The following RBFOX1 variants were observed in gnomAD, a reference collection of about 807,000 sequenced individuals.
The protein encoded by RBFOX1 is RNA binding fox-1 homolog 1.
RBFOX1 carries 8 observed loss-of-function variants against 57.7 expected under a neutral mutation model. That is an observed-to-expected ratio of 0.14 (90% CI 0.08 to 0.25). The LOEUF (loss-of-function observed/expected upper bound fraction) is 0.25. RBFOX1 is among the 10% of genes least tolerant of loss of function. RBFOX1 has a pLI of 1.00. For missense variants in RBFOX1, 611 were observed against 548.5 expected (o/e 1.11, Z -1.14); for synonymous variants, 326 against 222.4 (o/e 1.47, Z -4.15).
In RBFOX1 at chr16:5,882,720, C is replaced by T. The variant is rs114575485; in HGVS notation, c.351+15385C>T. Reference sequence around the variant, plus strand: ...AATGTTAGTTTGTGCAGCAGAGGCCCCATGTGCCAGTGTTGTCCCTGGGCG... The same window carrying T: ...AATGTTAGTTTGTGCAGCAGAGGCCTCATGTGCCAGTGTTGTCCCTGGGCG... On this transcript the variant is annotated intron_variant, in intron 4 of 19. Coordinates refer to the RBFOX1 transcript ENST00000641259. 6.8e-3 allele frequency among the ~76,000 whole-genome samples: 1,032 copies of T among 152,256 alleles called. 12 individuals are homozygous for T. Among genetic ancestry groups the T allele is most frequent in the African/African-American group, 0.024 (1,000 of 41,532 alleles).
At chr16:7,599,933 G>T (rs773815603) in intron 9 of RBFOX1, among the ~76,000 whole-genome samples, 2 of 151,954 alleles carry the variant, frequency 1.3e-5, no homozygotes, top group African/African-American at 2.4e-5. Context: ...CACCACTTCT[G>T]GCCTAGCCTT....
intron 1 of RBFOX1, among the ~76,000 whole-genome samples, chr16:6,302,841 A>G (rs1221598745): frequency 1.3e-5 from 2 of 152,198 alleles, no homozygotes; most frequent in Non-Finnish European, 2.9e-5. Flanking sequence ...AGAAAAATAT[A>G]TTTTTAAGAC....
At chr16:6,816,083 G>C (rs1051926628) in intron 3 of RBFOX1, among the ~76,000 whole-genome samples, 4 of 152,168 alleles carry the variant, frequency 2.6e-5, no homozygotes, top group African/African-American at 9.7e-5. Context: ...TGAGGCAGGA[G>C]GATTGCTTGA....
At chr16:6,464,857 C>T (rs2095005968) in intron 2 of RBFOX1, among the ~76,000 whole-genome samples, 1 of 152,226 alleles carries the variant, frequency 6.6e-6, no homozygotes, top group African/African-American at 2.4e-5. Flanking sequence ...GCGTTAAAAA[C>T]AGGTAGTACT....
chr16:7,070,178 C>T (rs900531063), intron 4 of RBFOX1, among the ~76,000 whole-genome samples: 2 of 152,160 alleles, frequency 1.3e-5, no homozygotes, highest in Admixed American at 6.6e-5. Flanking sequence ...GAGTTTGGCT[C>T]ACTGAGCGAT....
intron 3 of RBFOX1, among the ~76,000 whole-genome samples, chr16:5,612,678 C>T (rs1288649898): frequency 6.6e-6 from 1 of 152,190 alleles, no homozygotes; most frequent in African/African-American, 2.4e-5. Context: ...GAGGAAATAG[C>T]ATGTGCAAAG....
intron 1 of RBFOX1, among the ~76,000 whole-genome samples, chr16:6,152,474 C>G (rs961863446): frequency 6.6e-6 from 1 of 152,204 alleles, no homozygotes; most frequent in African/African-American, 2.4e-5. Context: ...AAAGCAGCTT[C>G]TGGCATGAGA....
At chr16:6,107,112 T>A (rs936019633) in intron 1 of RBFOX1, among the ~76,000 whole-genome samples, 1 of 152,218 alleles carries the variant, frequency 6.6e-6, no homozygotes, top group African/African-American at 2.4e-5. Context: ...ATGAACACAG[T>A]CCTTGGAAAG....
intron 2 of RBFOX1, among the ~76,000 whole-genome samples, chr16:6,526,892 G>T (rs1027227270): frequency 2.8e-5 from 4 of 142,182 alleles, no homozygotes; most frequent in African/African-American, 1.1e-4. Context: ...CTAAGAGGTA[G>T]GTATTATTAC....
intron 2 of RBFOX1, among the ~76,000 whole-genome samples, chr16:5,546,251 T>C (rs1230390708): frequency 6.6e-6 from 1 of 152,152 alleles, no homozygotes; most frequent in Non-Finnish European, 1.5e-5. Context: ...CCCAAATTGA[T>C]CTACAGAGTC....
At chr16:6,852,530 A>T (rs1188252458) in intron 3 of RBFOX1, among the ~76,000 whole-genome samples, 1 of 152,216 alleles carries the variant, frequency 6.6e-6, no homozygotes, top group African/African-American at 2.4e-5. Context: ...GTGTCTCAGA[A>T]ATTAACTTTG....
intron 4 of RBFOX1, among the ~76,000 whole-genome samples, chr16:7,336,735 C>T (rs371237996): frequency 3.9e-5 from 6 of 152,126 alleles, no homozygotes; most frequent in Non-Finnish European, 7.4e-5. Context: ...TTATAATAAA[C>T]GTAATGCAAT....
intron 3 of RBFOX1, among the ~76,000 whole-genome samples, chr16:5,843,612 C>G (rs74468226): frequency 6.6e-6 from 1 of 152,142 alleles, no homozygotes; most frequent in Non-Finnish European, 1.5e-5. Context: ...CACTGCAGCA[C>G]TATTCACAAT....
At chr16:6,140,539 T>C (rs1395960442) in intron 1 of RBFOX1, among the ~76,000 whole-genome samples, 1 of 152,118 alleles carries the variant, frequency 6.6e-6, no homozygotes, top group Non-Finnish European at 1.5e-5. Context: ...TGTAGCAGGA[T>C]CATCCATTCA....
chr16:6,426,442 C>G (rs1251278482), intron 2 of RBFOX1, among the ~76,000 whole-genome samples: 1 of 151,850 alleles, frequency 6.6e-6, no homozygotes, highest in Non-Finnish European at 1.5e-5. Context: ...ATCTAGGAGT[C>G]GGAGAAAGGC....
chr16:5,717,801 T>C (rs2051770373), intron 3 of RBFOX1, among the ~76,000 whole-genome samples: 1 of 152,190 alleles, frequency 6.6e-6, no homozygotes, highest in African/African-American at 2.4e-5. Context: ...CCTCCCATGA[T>C]CAGCGATTTA....
chr16:6,847,766 C>G (rs954230474), intron 3 of RBFOX1, among the ~76,000 whole-genome samples: 1 of 152,016 alleles, frequency 6.6e-6, no homozygotes, highest in African/African-American at 2.4e-5. Context: ...AAAACAGTCA[C>G]GTGTGGCTTA....
At chr16:5,366,645 C>G in intron 1 of RBFOX1, 1 of 428,652 alleles carries the variant, frequency 2.3e-6, no homozygotes, top group Non-Finnish European at 4.5e-6. Context: ...GGATGACTGA[C>G]CAGGAGGCTA....
At chr16:6,541,635 G>C (rs564732506) in intron 2 of RBFOX1, among the ~76,000 whole-genome samples, 1 of 152,298 alleles carries the variant, frequency 6.6e-6, no homozygotes, top group South Asian at 2.1e-4. Context: ...AAAAATCTCA[G>C]TGACACCTAG....
Sources: gnomAD v4.1 joint callset for allele counts (sites outside exome capture counted in the v4.1 genomes callset) on GRCh38, gnomAD v4.1.1 for gene constraint, MANE v1.5 for transcripts, NCBI Gene and HGNC (gene_info 2026-07-23, HGNC 2026-07-21) for gene names.